Variants in PKP3 observed in about 807,000 individuals in gnomAD.
The protein encoded by PKP3 is plakophilin-3.
A neutral mutation model predicts 76.5 loss-of-function variants in PKP3; 66 were observed. The observed-to-expected ratio is 0.86, with a 90% confidence interval of 0.71 to 1.06. PKP3 has a LOEUF of 1.06. Among genes scored for constraint, PKP3 ranks in the 50% least tolerant of loss-of-function variants. The pLI is 0.00. For missense variants in PKP3, 1,338 were observed against 1,141.0 expected (o/e 1.17, Z -2.49); for synonymous variants, 638 against 516.5 (o/e 1.24, Z -3.19).
rs919495055 is a variant in PKP3 at position 396,797 on chromosome 11, C to A, written c.313-17C>A. The stretch of plus-strand genomic sequence containing the variant: ...GTGAGCCCAGGCACGCCCTCACCGC[C>A]CCCTCTCGACCCACAGGGCTTCCGG... On this transcript the variant is annotated splice_polypyrimidine_tract_variant and intron_variant, in intron 2 of 12. Transcript: ENST00000331563. The A allele has an allele frequency of 1.3e-6, 2 of 1,567,894 alleles. No homozygotes were observed. The highest frequency in any genetic ancestry group is 2.3e-5 in the East Asian group (1 of 44,252).
intron 1 of PKP3, 73 bp from the exon 2 acceptor site, chr11:396,535 G>A: frequency 9.4e-7 from 1 of 1,067,062 alleles, no homozygotes; most frequent in Non-Finnish European, 1.4e-6. Context: ...TAGCGATGGA[G>A]TGGTGGAGAG....
intron 8 of PKP3, 32 bp from the exon 9 acceptor site, chr11:403,046 C>T (rs76360685): frequency 0.21 from 100,302 of 483,238 alleles, 12,402 homozygotes; most frequent in Admixed American, 0.25. Context: ...CCGCTCACCC[C>T]GACCCCGCCG....
At position 403,671 on chromosome 11, in the gene PKP3, C is replaced by G. The variant is rs776828915; in HGVS notation, c.1977C>G (p.Pro659=). ...LALEQERILN[P]LLDRVRTADH... ...TGGAGCAGGAGCGTATTCTGAACCC[C>G]CTGCTAGACCGTGTCAGGACCGCCG... is the stretch of plus-strand genomic sequence containing the variant. Residue 659 remains proline (P), a synonymous_variant, in exon 10 of 13, where the codon CCC becomes CCG. Coordinates refer to ENST00000331563, the MANE Select transcript of PKP3 (RefSeq NM_007183.4). 1.9e-6 allele frequency: 3 copies of G among 1,610,334 alleles called. No individual in the cohort carries two copies.
Position 400,700 on chromosome 11 carries a change from C to A in PKP3, c.1732C>A (p.Arg578Ser). The change falls in exon 8 of 13, where the codon CGC becomes AGC. Residue 578 changes from arginine to serine, a missense_variant. Arg to Ser is a moderately radical substitution (Grantham distance 110, BLOSUM62 -1). Coordinates refer to ENST00000331563, the MANE Select transcript of PKP3 (RefSeq NM_007183.4). ...GCFTPQSRRL[R>S]ELPLAADALT... ...CTTCACGCCGCAGAGCCGGCGGCTG[C>A]GCGAGGTGGGCACCAGCCTGAGCGG... The A allele has an allele frequency of 7.9e-7, 1 of 1,262,474 alleles. No individual in the cohort carries two copies. The highest frequency in any genetic ancestry group is 2.3e-5 in the South Asian group (1 of 43,646). 78.2% of individuals were successfully genotyped at this position (1,262,474 alleles called of 1,614,324 possible).
chr11:394,584 C>G lies in PKP3; in HGVS notation c.232+60C>G, dbSNP rs374491347. The G allele has an allele frequency of 1.3e-4, 169 of 1,282,450 alleles. 1 individual carries two copies. The African/African-American group carries it at 2.2e-3, about 17-fold the overall frequency. 79.4% of individuals were successfully genotyped at this position (1,282,450 alleles called of 1,614,324 possible). A position where few individuals can be genotyped will look rare whatever the true frequency, so the allele number is the denominator to read the frequency against. ...GCGGGGAGAGGTGGCTGCGGGCGGA[C>G]GTGATAGTGTGAGGGCAGAGGCCGC... On this transcript the variant is annotated intron_variant, in intron 1 of 12. Coordinates refer to ENST00000331563, the MANE Select transcript of PKP3 (RefSeq NM_007183.4).
chr11:400,058 C>T lies in PKP3; in HGVS notation c.1365C>T (p.Pro455=), dbSNP rs1423154037. 2 of 1,605,744 alleles carry T rather than the reference C, an allele frequency of 1.2e-6. No homozygotes were observed. Among genetic ancestry groups the T allele is most frequent in the Non-Finnish European group, 1.7e-6 (2 of 1,177,890 alleles). ...LEQLTDLVLS[P]LSGAGGPPLI... is the part of the protein sequence containing the mutation. Reference sequence around the variant, plus strand: ...AGCTCACAGACCTGGTGTTGAGCCCCCTGTCGGGGGCTGGGGGTCCCCCCC... The same window carrying T: ...AGCTCACAGACCTGGTGTTGAGCCCTCTGTCGGGGGCTGGGGGTCCCCCCC... Residue 455 remains proline (P), a synonymous_variant, in exon 6 of 13, where the codon CCC becomes CCT. Coordinates refer to ENST00000331563, the MANE Select transcript of PKP3 (RefSeq NM_007183.4).
rs548489797 is a variant in PKP3 at position 403,483 on chromosome 11, C to T, written c.1924-135C>T. On this transcript the variant is annotated intron_variant, in intron 9 of 12. Transcript: ENST00000331563. ...GATCCGGGCTGCGGCTGATTCCCCC[C>T]GGCTGGGGGGCAAAGGCAGAAGCAG... is the stretch of plus-strand genomic sequence containing the variant. 338 of 922,286 alleles carry T rather than the reference C, an allele frequency of 3.7e-4. 4 individuals carry two copies. The South Asian group carries it at 5.2e-3, about 14-fold the overall frequency. 57.1% of individuals were successfully genotyped at this position (922,286 alleles called of 1,614,324 possible). A position where few individuals can be genotyped will look rare whatever the true frequency, so the allele number is the denominator to read the frequency against.
At chr11:398,273 G>A (rs1347043301) in intron 4 of PKP3, among the ~76,000 whole-genome samples, 3 of 68,602 alleles carry the variant, frequency 4.4e-5, no homozygotes, top group African/African-American at 8.0e-5. Flanking sequence ...CCGTACACCC[G>A]CACACACCTG....
Position 398,927 on chromosome 11 carries a change from A to C in PKP3, c.1069-65A>C, listed in dbSNP as rs940789298. The C allele has an allele frequency of 1.5e-5, 19 of 1,244,298 alleles. No individual in the cohort carries two copies. In the African/African-American group the frequency reaches 2.7e-4, roughly 18 times the overall value. 77.1% of individuals were successfully genotyped at this position (1,244,298 alleles called of 1,614,324 possible). ...CATCTACGCACCTGGACACAGCTGC[A>C]CACAGGTGCATAGTCTGCATCCATC... On this transcript the variant is annotated intron_variant, in intron 4 of 12. Transcript: ENST00000331563.
At chr11:397,986 G>A (rs1407619747) in intron 4 of PKP3, among the ~76,000 whole-genome samples, 69 of 55,568 alleles carry the variant, frequency 1.2e-3, no homozygotes, top group African/African-American at 4.5e-3. Flanking sequence ...CCGTACCCCC[G>A]CACACACCTG....
At position 396,594 on chromosome 11, in the gene PKP3, G is replaced by C. The variant is rs199603099; in HGVS notation, c.233-14G>C. ...TGTGTGGCAGAGCTGGGCTACCACC[G>C]TCCCTCTCCACAGGCACATCCAGGG... On this transcript the variant is annotated splice_polypyrimidine_tract_variant and intron_variant, in intron 1 of 12. Transcript: ENST00000331563. The C allele has an allele frequency of 1.1e-5, 17 of 1,584,542 alleles. No homozygotes were observed. The highest frequency in any genetic ancestry group is 1.4e-5 in the Non-Finnish European group (16 of 1,162,666).
chr11:396,506 CT>C, intron 1 of PKP3, 101 bp from the exon 2 acceptor site: 1 of 779,718 alleles, frequency 1.3e-6, no homozygotes, highest in Admixed American at 2.8e-5. Context: ...GGATTGGAGG[CT>C]GCTCCTAGGG....
chr11:403,226 C>T lies in PKP3; in HGVS notation c.1886C>T (p.Ala629Val), dbSNP rs1429786695. The change falls in exon 9 of 13, where the codon GCC becomes GTC. Residue 629 changes from alanine (A) to valine (V), a missense_variant. Ala to Val is a moderately conservative substitution (Grantham distance 64). Transcript: ENST00000331563. ...AACCGGCACACGACGGAGGCGGCCG[C>T]CGGGGCGCTGCAGAACATCACGGCA... ...ELNRHTTEAA[A>V]GALQNITAGD... 1.3e-6 allele frequency: 2 copies of T among 1,588,626 alleles called. No homozygotes were observed. Among genetic ancestry groups the T allele is most frequent in the South Asian group, 1.1e-5 (1 of 88,198 alleles).
Position 404,134 on chromosome 11 carries a change from A to C in PKP3, c.2269A>C (p.Ser757Arg), listed in dbSNP as rs758327946. 7.5e-6 allele frequency: 12 copies of C among 1,608,652 alleles called. No homozygotes were observed. Among genetic ancestry groups the C allele is most frequent in the Non-Finnish European group, 1.0e-5 (12 of 1,177,222 alleles). Residue 757 changes from serine to arginine, a missense_variant and splice_region_variant, in exon 11 of 13, where the codon AGC becomes CGC. Physicochemically the swap from Ser to Arg is moderately radical, Grantham distance 110. Coordinates refer to ENST00000331563, the MANE Select transcript of PKP3 (RefSeq NM_007183.4). This position sits in a 1 kb window ranked among gnomAD's most constrained non-coding sequence, Gnocchi z 4.2. ...CATCTTCATCAAGAAGAAGCGGGAC[A>C]GGTAGGGGCCGACCCAGCCGTGCAG... is the stretch of plus-strand genomic sequence containing the variant. Reference protein sequence around the residue: ...KLIFIKKKRDSPDSEKSSRAA... With the variant: ...KLIFIKKKRDRPDSEKSSRAA...
At chr11:394,561 G>A (rs1036996291) in intron 1 of PKP3, 37 bp downstream of exon 1, 64 of 1,341,602 alleles carry the variant, frequency 4.8e-5, no homozygotes, top group Middle Eastern at 2.7e-4. Context: ...TGGCGGTGGC[G>A]GGGAGAGGTG....
intron 1 of PKP3, chr11:396,389 G>A (rs1564878327): frequency 5.9e-6 from 3 of 507,644 alleles, no homozygotes; most frequent in East Asian, 3.3e-5. Flanking sequence ...GCACAGCTGG[G>A]GGGTGGGCTG....
intron 4 of PKP3, 81 bp downstream of exon 4, chr11:397,743 C>T: frequency 7.2e-7 from 1 of 1,381,728 alleles, no homozygotes; most frequent in Non-Finnish European, 1.0e-6. Context: ...CCTCTGCTCA[C>T]TGAGCACCCC....
chr11:394,390 C>T lies in PKP3; in HGVS notation c.98C>T (p.Ala33Val), dbSNP rs1332998202. The change falls in exon 1 of 13, where the codon GCC becomes GTC. Residue 33 changes from alanine to valine, a missense_variant. Coordinates refer to ENST00000331563, the MANE Select transcript of PKP3 (RefSeq NM_007183.4). The stretch of plus-strand genomic sequence containing the variant: ...GACCTGCAGCTGGACCGCCGGGGCG[C>T]CGAGGGGCCGGAGGCCGAGCGGCTG... ...PSDLQLDRRG[A>V]EGPEAERLRA... The T allele has an allele frequency of 1.4e-5, 21 of 1,489,820 alleles. No individual in the cohort carries two copies. Among genetic ancestry groups the T allele is most frequent in the East Asian group, 2.8e-5 (1 of 36,232 alleles). 92.3% of individuals were successfully genotyped at this position (1,489,820 alleles called of 1,614,324 possible).
At chr11:394,895 G>A (rs1847025801) in intron 1 of PKP3, among the ~76,000 whole-genome samples, 3 of 152,160 alleles carry the variant, frequency 2.0e-5, no homozygotes, top group Non-Finnish European at 4.4e-5. Context: ...TAGGGTCTCA[G>A]GGACACCCAG....
Sources: gnomAD v4.1 joint callset for allele counts (sites outside exome capture counted in the v4.1 genomes callset) on GRCh38, gnomAD v4.1.1 for gene constraint, Gnocchi (gnomAD v3.1) non-coding constraint, MANE v1.5 for transcripts, NCBI Gene and HGNC (gene_info 2026-07-23, HGNC 2026-07-21) for gene names.